Variants in PTP4A1 observed in about 807,000 individuals in gnomAD.
PTP4A1 encodes protein tyrosine phosphatase type IVA 1.
Under a neutral mutation model 20.5 loss-of-function variants are expected in PTP4A1, and 9 were observed. The ratio of observed to expected loss-of-function variants is 0.44; its 90% CI spans 0.26 to 0.77. PTP4A1 has a LOEUF of 0.77. PTP4A1 is among the 30% of genes least tolerant of loss of function. The probability of loss-of-function intolerance (pLI) is 0.19; values close to 1 mark genes in which losing one functional copy is unlikely to be tolerated. For missense variants in PTP4A1, 137 were observed against 218.8 expected (o/e 0.63, Z 2.36); for synonymous variants, 78 against 67.4 (o/e 1.16, Z -0.77).
chr6:63,554,793 AT>A (rs1010688902), intron 3 of PTP4A1, among the ~76,000 whole-genome samples: 15 of 152,274 alleles, frequency 9.9e-5, no homozygotes, highest in African/African-American at 3.4e-4. Context: ...TCTCAAAAAA[AT>A]GGAACAATTT....
At chr6:63,560,295 G>A (rs1344707894) in intron 3 of PTP4A1, among the ~76,000 whole-genome samples, 3 of 133,224 alleles carry the variant, frequency 2.3e-5, no homozygotes, top group East Asian at 2.2e-4. Flanking sequence ...CTGAGATCAC[G>A]CCATTGCACT....
intron 3 of PTP4A1, among the ~76,000 whole-genome samples, chr6:63,559,404 TAAAAGA>T (rs1170984148): frequency 1.3e-5 from 2 of 152,010 alleles, no homozygotes; most frequent in Admixed American, 1.3e-4. Context: ...GAACACTAAA[TAAAAGA>T]AAAATGGCTT....
chr6:63,576,981 T>C lies in PTP4A1; in HGVS notation c.101T>C (p.Ile34Thr), dbSNP rs772464554. 1.2e-6 allele frequency: 2 copies of C among 1,605,932 alleles called. No individual in the cohort carries two copies. The highest frequency in any genetic ancestry group is 1.3e-5 in the African/African-American group (1 of 74,738). The change falls in exon 2 of 6, where the codon ATA becomes ACA. Residue 34 changes from isoleucine (I) to threonine (T), a missense_variant. Coordinates refer to ENST00000626021, the MANE Select transcript of PTP4A1 (RefSeq NM_003463.5). ...NPTNATLNKF[I>T]EELKKYGVTT... ...ACCAATGCGACCTTAAACAAATTTA[T>C]AGAGGTAAGATTTGATATGTTTTAG...
chr6:63,538,611 A>G (rs945821970), intron 2 of PTP4A1, among the ~76,000 whole-genome samples: 5 of 152,222 alleles, frequency 3.3e-5, no homozygotes, highest in Non-Finnish European at 7.3e-5. Context: ...AATAGCATGC[A>G]AAAAGAAAAA....
chr6:63,530,780 T>A (rs1480662434), intron 2 of PTP4A1, among the ~76,000 whole-genome samples: 4 of 152,218 alleles, frequency 2.6e-5, no homozygotes, highest in African/African-American at 9.6e-5. Flanking sequence ...TAGTCTTCTG[T>A]ATTTTAACAT....
At chr6:63,564,866 A>T (rs1343194466) in intron 3 of PTP4A1, among the ~76,000 whole-genome samples, 1 of 152,202 alleles carries the variant, frequency 6.6e-6, no homozygotes, top group African/African-American at 2.4e-5. Context: ...CTCAAACTAG[A>T]TTCCTCCAGG....
chr6:63,563,808 A>G (rs1333263889), intron 3 of PTP4A1, among the ~76,000 whole-genome samples: 1 of 152,226 alleles, frequency 6.6e-6, no homozygotes, highest in Admixed American at 6.5e-5. Context: ...TCCAGTGAAC[A>G]CCATTGTTAA....
At chr6:63,549,124 G>T in intron 2 of PTP4A1, 1 of 691,180 alleles carries the variant, frequency 1.4e-6, no homozygotes, top group East Asian at 2.6e-5. Flanking sequence ...CTCTTAGTGG[G>T]GATGCCCCCT....
chr6:63,523,768 T>G (rs1156645828), intron 1 of PTP4A1, among the ~76,000 whole-genome samples: 1 of 152,088 alleles, frequency 6.6e-6, no homozygotes, highest in Non-Finnish European at 1.5e-5. Flanking sequence ...TTAGTGTTAG[T>G]GTATTTCATG....
In PTP4A1 at chr6:63,582,106, G is replaced by A. The variant is rs181201842; in HGVS notation, c.*1932G>A. 8.0e-4 allele frequency: 122 copies of A among 152,180 alleles called. No homozygotes were observed. The highest frequency in any genetic ancestry group is 2.7e-3 in the African/African-American group (114 of 41,546). The allele number at this position is 152,180 out of a possible 1,614,324, so 9.4% of individuals were successfully genotyped here. A position where few individuals can be genotyped will look rare whatever the true frequency, so the allele number is the denominator to read the frequency against. ...AGACAGGGCAAAAGGAAGAACAGGG[G>A]CCTCTGGAGGCCCTTGGTTATTTAA... is the stretch of plus-strand genomic sequence containing the variant. On this transcript the variant is annotated 3_prime_UTR_variant, in exon 6 of 6. Coordinates refer to ENST00000626021, the MANE Select transcript of PTP4A1 (RefSeq NM_003463.5).
In PTP4A1 at chr6:63,580,508, T is replaced by C. The variant is rs1290465702; in HGVS notation, c.*334T>C. 1.1e-5 allele frequency: 2 copies of C among 190,244 alleles called. No homozygotes were observed. Among genetic ancestry groups the C allele is most frequent in the Non-Finnish European group, 2.2e-5 (2 of 90,452 alleles). The allele number at this position is 190,244 out of a possible 1,614,324, so 11.8% of individuals were successfully genotyped here. On this transcript the variant is annotated 3_prime_UTR_variant, in exon 6 of 6. Transcript: ENST00000626021. ...GAATCTTATCAATACATAAGAAATT[T>C]AGGAAGATTAGGTGCCAAAATACCC...
intron 2 of PTP4A1, among the ~76,000 whole-genome samples, chr6:63,546,657 GATCGTGCC>G (rs1776192799): frequency 6.6e-6 from 1 of 151,884 alleles, no homozygotes; most frequent in Admixed American, 6.6e-5. Context: ...AGTGAGCTGA[GATCGTGCC>G]ATTGTACTCC....
chr6:63,580,128 G>A lies in PTP4A1; in HGVS notation c.476G>A (p.Arg159His), dbSNP rs779059610. 4.3e-6 allele frequency: 7 copies of A among 1,613,382 alleles called. No homozygotes were observed. The highest frequency in any genetic ancestry group is 2.2e-5 in the East Asian group (1 of 44,870). Residue 159 changes from arginine to histidine, a missense_variant, in exon 6 of 6, where the codon CGT becomes CAT. Transcript: ENST00000626021. Reference protein sequence around the residue: ...LEKYRPKMRLRFKDSNGHRNN... With the variant: ...LEKYRPKMRLHFKDSNGHRNN... ...AAGTATCGTCCTAAAATGCGGCTGC[G>A]TTTCAAAGATTCCAACGGTCATAGA...
At position 63,552,583 on chromosome 6, in the gene PTP4A1, G is replaced by T. The variant is rs576197025; in HGVS notation, c.-446+2090G>T. ...TTTGGCTTTTGTTGCCATTGCTTTT[G>T]GTGTTTTAGACATGAAGTCCTTGCC... On this transcript the variant is annotated intron_variant, in intron 3 of 3. Coordinates refer to the PTP4A1 transcript ENST00000639568. Among the ~76,000 whole-genome samples, 1,258 of 152,184 alleles carry T rather than the reference G, an allele frequency of 8.3e-3. 14 individuals are homozygous for T. The highest frequency in any genetic ancestry group is 0.028 in the African/African-American group (1,180 of 41,530).
intron 3 of PTP4A1, chr6:63,550,612 TTTGG>T (rs375553837): frequency 3.3e-5 from 5 of 152,396 alleles, no homozygotes; most frequent in Non-Finnish European, 5.9e-5. Context: ...GATATTTGTT[TTTGG>T]TTGGTTGGTT....
At chr6:63,523,550 C>A (rs1403398484) in intron 1 of PTP4A1, among the ~76,000 whole-genome samples, 1 of 152,068 alleles carries the variant, frequency 6.6e-6, no homozygotes, top group Non-Finnish European at 1.5e-5. Flanking sequence ...AGAAATTCTG[C>A]AAGGTGGTAA....
chr6:63,522,326 C>A (rs111455943), intron 1 of PTP4A1, among the ~76,000 whole-genome samples: 2 of 152,132 alleles, frequency 1.3e-5, no homozygotes, highest in East Asian at 3.9e-4. Flanking sequence ...AAACCATATT[C>A]ATGATGTAAA....
chr6:63,554,290 G>T (rs1023488690), intron 3 of PTP4A1, among the ~76,000 whole-genome samples: 18 of 152,150 alleles, frequency 1.2e-4, no homozygotes, highest in Non-Finnish European at 2.9e-5. Context: ...CAAAGTATAT[G>T]AAAAGCATTC....
At chr6:63,526,544 T>C (rs993447954) in intron 1 of PTP4A1, among the ~76,000 whole-genome samples, 2 of 151,868 alleles carry the variant, frequency 1.3e-5, no homozygotes, top group African/African-American at 4.8e-5. Flanking sequence ...GCGCAGTGGC[T>C]CATGCCTGTA....
Sources: gnomAD v4.1 joint callset for allele counts (sites outside exome capture counted in the v4.1 genomes callset) on GRCh38, gnomAD v4.1.1 for gene constraint, MANE v1.5 for transcripts, NCBI Gene and HGNC (gene_info 2026-07-23, HGNC 2026-07-21) for gene names.